The following PCDH7 variants were observed in gnomAD, a reference collection of about 807,000 sequenced individuals.
PCDH7 encodes the protein protocadherin 7.
A neutral mutation model predicts 58.9 loss-of-function variants in PCDH7; 17 were observed. The observed-to-expected ratio is 0.29, with a 90% CI of 0.20 to 0.43. The LOEUF is 0.43. Ranked by LOEUF, PCDH7 falls within the 20% of genes least tolerant of loss-of-function variation. The pLI, the probability that PCDH7 is intolerant of heterozygous loss-of-function variation, is 1.00. For synonymous variants in PCDH7, 664 were observed against 616.4 expected, an observed-to-expected ratio of 1.08 and a Z score of -1.14; for missense variants, 1,274 against 1,441.0, an observed-to-expected ratio of 0.88 and a Z score of 1.88.
At chr4:30,831,913 A>C (rs1180753315) in intron 1 of PCDH7, among the ~76,000 whole-genome samples, 1 of 152,066 alleles carries the variant, frequency 6.6e-6, no homozygotes, top group Admixed American at 6.6e-5. Flanking sequence ...AGCATGAATG[A>C]TTTGTATTTA....
At chr4:31,044,313 T>C (rs1167654139) in intron 3 of PCDH7, among the ~76,000 whole-genome samples, 1 of 152,108 alleles carries the variant, frequency 6.6e-6, no homozygotes, top group African/African-American at 2.4e-5. Flanking sequence ...TACACATGTC[T>C]GTGGGCACAC....
intron 2 of PCDH7, chr4:30,935,376 C>G (rs1745220439): frequency 1.0e-6 from 1 of 959,286 alleles, no homozygotes; most frequent in Non-Finnish European, 1.2e-6. Flanking sequence ...TTTGAATTCG[C>G]TATTGGTTTC....
intron 3 of PCDH7, among the ~76,000 whole-genome samples, chr4:31,040,543 G>T (rs1755774736): frequency 6.6e-6 from 1 of 152,156 alleles, no homozygotes; most frequent in South Asian, 2.1e-4. Context: ...AAATAAACGA[G>T]AATTGATTTC....
At chr4:31,084,688 G>A (rs1248842153) in intron 3 of PCDH7, among the ~76,000 whole-genome samples, 1 of 126,022 alleles carries the variant, frequency 7.9e-6, no homozygotes, top group Non-Finnish European at 1.7e-5. Context: ...TAAAGGGGGA[G>A]GGGAGGGAAG....
intron 3 of PCDH7, among the ~76,000 whole-genome samples, chr4:30,970,690 A>T (rs530507640): frequency 6.6e-6 from 1 of 151,886 alleles, no homozygotes; most frequent in Non-Finnish European, 1.5e-5. Context: ...TTTTGTTTTT[A>T]TTACTTCTAA....
chr4:30,990,227 A>G (rs920789426), intron 3 of PCDH7, among the ~76,000 whole-genome samples: 6 of 152,058 alleles, frequency 3.9e-5, no homozygotes, highest in African/African-American at 1.4e-4. Context: ...ACATGCAATG[A>G]TAGCCTCAAA....
intron 1 of PCDH7, among the ~76,000 whole-genome samples, chr4:30,757,907 T>C (rs1719525102): frequency 6.6e-6 from 1 of 150,892 alleles, no homozygotes; most frequent in Non-Finnish European, 1.5e-5. Context: ...AATGCATATG[T>C]ACATGCTCTG....
chr4:30,797,124 C>G lies in PCDH7; in HGVS notation c.70+72528C>G, dbSNP rs568321090. On this transcript the variant is annotated intron_variant, in intron 1 of 3. Transcript: ENST00000509759. ...TACAGGCGCATGCCACCACGCCCGG[C>G]TAATTTTTATATTTTTAGTAGAGAT... 1.1e-4 allele frequency among the ~76,000 whole-genome samples: 16 copies of G among 151,906 alleles called. No individual in the cohort carries two copies. In the South Asian group the frequency reaches 3.1e-3, roughly 30 times the overall value.
At chr4:30,967,974 G>A (rs1029517717) in intron 3 of PCDH7, among the ~76,000 whole-genome samples, 12 of 151,994 alleles carry the variant, frequency 7.9e-5, no homozygotes, top group Non-Finnish European at 1.3e-4. Context: ...TAAGCCTTGT[G>A]AGTAGAGGAA....
intron 3 of PCDH7, among the ~76,000 whole-genome samples, chr4:31,084,684 G>C (rs1028728932): frequency 1.6e-4 from 21 of 129,664 alleles, no homozygotes; most frequent in African/African-American, 6.1e-4. Context: ...GAGATAAAGG[G>C]GGAGGGGAGG....
At chr4:31,075,367 A>T (rs1398140492) in intron 3 of PCDH7, among the ~76,000 whole-genome samples, 2 of 152,192 alleles carry the variant, frequency 1.3e-5, no homozygotes, top group Non-Finnish European at 2.9e-5. Flanking sequence ...AACTGAGATC[A>T]TGGAGCTGGT....
intron 1 of PCDH7, among the ~76,000 whole-genome samples, chr4:30,904,259 G>T (rs1740611252): frequency 6.6e-6 from 1 of 152,004 alleles, no homozygotes; most frequent in Non-Finnish European, 1.5e-5. Context: ...TGCAAAATCG[G>T]CCTCACTAGA....
In PCDH7 at chr4:30,721,349, C is replaced by T. The variant is rs1713487050; in HGVS notation, c.-74C>T. 1.5e-6 allele frequency: 2 copies of T among 1,365,976 alleles called. No homozygotes were observed. Among genetic ancestry groups the T allele is most frequent in the Non-Finnish European group, 1.9e-6 (2 of 1,039,288 alleles). 84.6% of individuals were successfully genotyped at this position (1,365,976 alleles called of 1,614,324 possible). A position where few individuals can be genotyped will look rare whatever the true frequency, so the allele number is the denominator to read the frequency against. On this transcript the variant is annotated 5_prime_UTR_variant, in exon 1 of 2. Coordinates refer to ENST00000361762, the Ensembl canonical transcript of PCDH7. This position sits in a 1 kb window ranked among gnomAD's most constrained non-coding sequence, Gnocchi z 6.7. ...GGGAGAGGACTCGGGGGAGGGCAGG[C>T]GGCCGGCCCCGGAGGAGGGGGGCGC... is the stretch of plus-strand genomic sequence containing the variant.
intron 3 of PCDH7, among the ~76,000 whole-genome samples, chr4:30,953,332 A>T (rs550131158): frequency 4.9e-4 from 74 of 152,228 alleles, no homozygotes; most frequent in South Asian, 3.7e-3. Flanking sequence ...ACTATGTCAT[A>T]ATGTCTAGAT....
chr4:30,722,022 G>A lies in PCDH7; in HGVS notation c.600G>A (p.Ala200=), dbSNP rs1713668312. The change falls in exon 1 of 2, where the codon GCG becomes GCA. Residue 200 remains alanine, a synonymous_variant. Transcript: ENST00000361762. This position sits in a 1 kb window ranked among gnomAD's most constrained non-coding sequence, Gnocchi z 7.6. ...GCGGCGAGAGCCGGCGCGCCGGGGC[G>A]GCCGACAGCGCCCCCTACCCCGGGG... is the stretch of plus-strand genomic sequence containing the variant. The A allele has an allele frequency of 2.4e-6, 3 of 1,256,674 alleles. No individual in the cohort carries two copies. Among genetic ancestry groups the A allele is most frequent in the Admixed American group, 4.3e-5 (1 of 23,424 alleles). The allele number at this position is 1,256,674 out of a possible 1,614,324, so 77.8% of individuals were successfully genotyped here. A position where few individuals can be genotyped will look rare whatever the true frequency, so the allele number is the denominator to read the frequency against.
intron 3 of PCDH7, among the ~76,000 whole-genome samples, chr4:30,982,006 T>A (rs1750614715): frequency 6.6e-6 from 1 of 152,208 alleles, no homozygotes; most frequent in Non-Finnish European, 1.5e-5. Flanking sequence ...TAGATATGAC[T>A]GTAGTTAATA....
intron 1 of PCDH7, among the ~76,000 whole-genome samples, chr4:30,850,167 A>G (rs1255151757): frequency 6.6e-6 from 1 of 152,096 alleles, no homozygotes; most frequent in Non-Finnish European, 1.5e-5. Flanking sequence ...CTTTTTGTGA[A>G]GAGTTCAACT....
intron 1 of PCDH7, among the ~76,000 whole-genome samples, chr4:30,829,015 A>G (rs934473932): frequency 1.3e-5 from 2 of 152,248 alleles, no homozygotes; most frequent in Admixed American, 6.5e-5. Flanking sequence ...GTAAACTAAC[A>G]TGAAGGTTTA....
chr4:31,016,344 G>A (rs551466143), intron 3 of PCDH7, among the ~76,000 whole-genome samples: 1 of 151,174 alleles, frequency 6.6e-6, no homozygotes, highest in Non-Finnish European at 1.5e-5. Context: ...AATTTTAGAA[G>A]CATATGACTT....
Sources: gnomAD v4.1 joint callset for allele counts (sites outside exome capture counted in the v4.1 genomes callset) on GRCh38, gnomAD v4.1.1 for gene constraint, Gnocchi (gnomAD v3.1) non-coding constraint, MANE v1.5 for transcripts, NCBI Gene and HGNC (gene_info 2026-07-23, HGNC 2026-07-21) for gene names.